The following CAST variants were observed in gnomAD, a reference collection of about 807,000 sequenced individuals.
CAST encodes the protein calpastatin.
A neutral mutation model predicts 119.6 loss-of-function variants in CAST; 76 were observed. The observed-to-expected ratio is 0.64, with a 90% CI of 0.53 to 0.77. CAST has a LOEUF of 0.77. CAST is among the 30% of genes least tolerant of loss of function. CAST has a pLI of 0.00. For missense variants in CAST, 953 were observed against 946.5 expected (o/e 1.01, Z -0.09); for synonymous variants, 319 against 331.6 (o/e 0.96, Z 0.41).
At chr5:96,619,575 GT>G (rs1747550329) in intron 1 of CAST, among the ~76,000 whole-genome samples, 1 of 152,202 alleles carries the variant, frequency 6.6e-6, no homozygotes, top group South Asian at 2.1e-4. Context: ...AAATCTTGCT[GT>G]TCCTCACTGT....
At chr5:96,467,939 G>A in the CAST span, among the ~76,000 whole-genome samples, 4,804 of 152,168 alleles carry the variant, frequency 0.032, 227 homozygotes, top group African/African-American at 0.11. Flanking sequence ...ACATGCCTAT[G>A]TTTATTGTAG....
the CAST span, among the ~76,000 whole-genome samples, chr5:96,470,394 CAATA>C: frequency 6.6e-6 from 1 of 151,990 alleles, no homozygotes; most frequent in East Asian, 1.9e-4. Context: ...CAAACTACCA[CAATA>C]AATAAACAGA....
intron 1 of CAST, among the ~76,000 whole-genome samples, chr5:96,560,005 G>C (rs1020797145): frequency 6.6e-5 from 10 of 152,112 alleles, no homozygotes; most frequent in South Asian, 2.1e-4. Context: ...TACCAAAACA[G>C]AGATATAGAC....
At chr5:96,042,542 C>T in the CAST span, among the ~76,000 whole-genome samples, 13 of 152,114 alleles carry the variant, frequency 8.5e-5, no homozygotes, top group Non-Finnish European at 1.5e-4. Context: ...ATGGAAAGTA[C>T]TCAGTAAGTG....
intron 1 of CAST, among the ~76,000 whole-genome samples, chr5:96,669,257 A>G (rs760597648): frequency 6.6e-6 from 1 of 152,224 alleles, no homozygotes; most frequent in African/African-American, 2.4e-5. Flanking sequence ...TAGCAAGTAG[A>G]ATACATATAC....
the CAST span, among the ~76,000 whole-genome samples, chr5:96,043,352 A>G: frequency 2.0e-5 from 3 of 152,220 alleles, no homozygotes; most frequent in Non-Finnish European, 4.4e-5. Flanking sequence ...ATTATTTAAA[A>G]CAAAATAGAG....
At chr5:96,367,592 C>A in the CAST span, among the ~76,000 whole-genome samples, 1 of 152,224 alleles carries the variant, frequency 6.6e-6, no homozygotes, top group Non-Finnish European at 1.5e-5. Flanking sequence ...TGGCAATGAG[C>A]TAGGCTCTGT....
At chr5:96,123,599 G>A in the CAST span, among the ~76,000 whole-genome samples, 6 of 152,136 alleles carry the variant, frequency 3.9e-5, no homozygotes, top group African/African-American at 1.4e-4. Context: ...CTTGAGGATT[G>A]TTTGCTTGAT....
the CAST span, among the ~76,000 whole-genome samples, chr5:96,041,842 C>T: frequency 1.3e-5 from 2 of 152,174 alleles, no homozygotes; most frequent in Admixed American, 6.5e-5. Context: ...TTCTGAGAAT[C>T]TACCTTTCTA....
the CAST span, among the ~76,000 whole-genome samples, chr5:96,397,102 G>A: frequency 6.6e-6 from 1 of 152,128 alleles, no homozygotes; most frequent in Non-Finnish European, 1.5e-5. Flanking sequence ...CTGTCACATT[G>A]TTTATATAAG....
chr5:96,405,814 A>G, the CAST span, among the ~76,000 whole-genome samples: 1 of 152,252 alleles, frequency 6.6e-6, no homozygotes, highest in Admixed American at 6.5e-5. Context: ...ACTTCTGTTC[A>G]GCAGATGGAT....
chr5:96,006,966 T>TTAAAAATGTATTTTAA, the CAST span, among the ~76,000 whole-genome samples: 1 of 152,232 alleles, frequency 6.6e-6, no homozygotes, highest in Non-Finnish European at 1.5e-5. Context: ...AATGTATTTT[T>TTAAAAATGTATTTTAA]AAAAGCCCTA....
the CAST span, among the ~76,000 whole-genome samples, chr5:95,963,725 CT>C: frequency 4.1e-3 from 530 of 129,962 alleles, 2 homozygotes; most frequent in Admixed American, 7.3e-3. Context: ...TTCTCTCTCT[CT>C]TTTTTTTTTT....
chr5:96,709,937 C>G (rs1291610931), intron 3 of CAST, among the ~76,000 whole-genome samples: 1 of 152,078 alleles, frequency 6.6e-6, no homozygotes, highest in Non-Finnish European at 1.5e-5. Context: ...ATATTGGGAT[C>G]GATGATGTCT....
intron 1 of CAST, among the ~76,000 whole-genome samples, chr5:96,619,034 C>G (rs553244617): frequency 6.6e-6 from 1 of 152,074 alleles, no homozygotes; most frequent in East Asian, 1.9e-4. Context: ...AGTCAGCACT[C>G]TGTGTCTAGC....
chr5:96,281,655 T>G, the CAST span, among the ~76,000 whole-genome samples: 1 of 152,150 alleles, frequency 6.6e-6, no homozygotes, highest in African/African-American at 2.4e-5. Flanking sequence ...GATGTCCATG[T>G]CCCAAGCAGC....
At chr5:96,730,643 T>C (rs897481662) in intron 8 of CAST, 137 bp from the exon 9 acceptor site, 2 of 678,508 alleles carry the variant, frequency 2.9e-6, no homozygotes, top group South Asian at 1.7e-5. Flanking sequence ...CCATGTACAA[T>C]AGAAGTGAGC....
At chr5:96,296,895 C>T in the CAST span, among the ~76,000 whole-genome samples, 1 of 152,148 alleles carries the variant, frequency 6.6e-6, no homozygotes, top group Non-Finnish European at 1.5e-5. Flanking sequence ...TTCATAATGG[C>T]TTGCTGACTA....
the CAST span, among the ~76,000 whole-genome samples, chr5:96,431,585 C>A: frequency 6.6e-6 from 1 of 152,198 alleles, no homozygotes; most frequent in African/African-American, 2.4e-5. Context: ...AGGGCAAGGG[C>A]TGGCCAAAAG....
Sources: gnomAD v4.1 joint callset for allele counts (sites outside exome capture counted in the v4.1 genomes callset) on GRCh38, gnomAD v4.1.1 for gene constraint, MANE v1.5 for transcripts, NCBI Gene and HGNC (gene_info 2026-07-23, HGNC 2026-07-21) for gene names.